Variants in FHOD3 observed in about 807,000 individuals in gnomAD.
The protein encoded by FHOD3 is formin homology 2 domain containing 3.
In FHOD3, 90 loss-of-function variants were observed where a neutral mutation model predicts 173.0. The ratio of observed to expected loss-of-function variants is 0.52; its 90% CI spans 0.44 to 0.62. The LOEUF is 0.62. Among genes scored for constraint, FHOD3 ranks in the 20% least tolerant of loss-of-function variants. FHOD3 has a pLI of 0.00. For synonymous variants in FHOD3, 828 were observed against 823.0 expected, an observed-to-expected ratio of 1.01 and a Z score of -0.10; for missense variants, 1,945 against 2,034.7, an observed-to-expected ratio of 0.96 and a Z score of 0.85.
At chr18:36,606,573 T>A (rs1470044491) in intron 8 of FHOD3, among the ~76,000 whole-genome samples, 1 of 152,188 alleles carries the variant, frequency 6.6e-6, no homozygotes, top group Non-Finnish European at 1.5e-5. Flanking sequence ...ATTCATGTCC[T>A]CCTCATGTGC....
At chr18:36,340,528 G>A (rs1348696642) in intron 1 of FHOD3, among the ~76,000 whole-genome samples, 2 of 150,740 alleles carry the variant, frequency 1.3e-5, no homozygotes, top group Non-Finnish European at 2.9e-5. Flanking sequence ...TTTTCCAGTT[G>A]ACCATGTTCT....
At chr18:36,588,460 T>A (rs2059111805) in intron 6 of FHOD3, among the ~76,000 whole-genome samples, 2 of 152,200 alleles carry the variant, frequency 1.3e-5, no homozygotes, top group Non-Finnish European at 2.9e-5. Flanking sequence ...CCAGCATCCA[T>A]TTATATAACA....
intron 1 of FHOD3, among the ~76,000 whole-genome samples, chr18:36,323,898 A>G (rs1234843997): frequency 1.3e-5 from 2 of 152,258 alleles, no homozygotes; most frequent in African/African-American, 4.8e-5. Flanking sequence ...TCTAAATAGT[A>G]TGTAAGAAGA....
At chr18:36,440,481 C>T (rs1196054141) in intron 3 of FHOD3, among the ~76,000 whole-genome samples, 1 of 151,888 alleles carries the variant, frequency 6.6e-6, no homozygotes, top group Non-Finnish European at 1.5e-5. Context: ...ACGCGCTGCC[C>T]GCCTCCTCTG....
At chr18:36,435,898 G>A (rs2143410145) in intron 3 of FHOD3, among the ~76,000 whole-genome samples, 1 of 152,264 alleles carries the variant, frequency 6.6e-6, no homozygotes, top group South Asian at 2.1e-4. Context: ...GTACAGGATA[G>A]TGTGTTCTGA....
At chr18:36,585,040 A>G (rs1244710396) in intron 6 of FHOD3, among the ~76,000 whole-genome samples, 3 of 152,210 alleles carry the variant, frequency 2.0e-5, no homozygotes, top group Non-Finnish European at 4.4e-5. Context: ...TTCCTTTGTT[A>G]CTACAAAATT....
At chr18:36,619,401 T>A (rs1273379228) in intron 9 of FHOD3, among the ~76,000 whole-genome samples, 1 of 152,196 alleles carries the variant, frequency 6.6e-6, no homozygotes. Flanking sequence ...AACGGACTCT[T>A]CATGTCTCCA....
chr18:36,629,663 A>G (rs1205540232), intron 10 of FHOD3, among the ~76,000 whole-genome samples: 2 of 152,212 alleles, frequency 1.3e-5, no homozygotes, highest in African/African-American at 4.8e-5. Flanking sequence ...GATAGAGACT[A>G]TAGGGGACTT....
intron 5 of FHOD3, among the ~76,000 whole-genome samples, chr18:36,520,595 A>G (rs1011352291): frequency 2.0e-5 from 3 of 152,202 alleles, no homozygotes; most frequent in Admixed American, 6.5e-5. Flanking sequence ...TTTTCCAGAA[A>G]TTCAGGCCAC....
intron 14 of FHOD3, among the ~76,000 whole-genome samples, chr18:36,676,327 T>C (rs945546409): frequency 6.6e-5 from 10 of 152,256 alleles, no homozygotes; most frequent in African/African-American, 2.4e-4. Flanking sequence ...CTATATATTT[T>C]GCTTTGGGGA....
intron 1 of FHOD3, among the ~76,000 whole-genome samples, chr18:36,350,701 G>T (rs1471813993): frequency 6.6e-6 from 1 of 152,218 alleles, no homozygotes; most frequent in African/African-American, 2.4e-5. Context: ...GACTGGTCTG[G>T]CAGGGAGGTG....
chr18:36,324,548 A>G (rs1172269083), intron 1 of FHOD3, among the ~76,000 whole-genome samples: 1 of 152,238 alleles, frequency 6.6e-6, no homozygotes, highest in Non-Finnish European at 1.5e-5. Context: ...AAATAAGAAA[A>G]TGACAGTCCA....
chr18:36,390,780 G>A lies in FHOD3; in HGVS notation c.337+18036G>A, dbSNP rs73418926. Among the ~76,000 whole-genome samples, 912 of 152,182 alleles carry A rather than the reference G, an allele frequency of 6.0e-3. 8 individuals carry two copies. The highest frequency in any genetic ancestry group is 0.021 in the African/African-American group (854 of 41,500). On this transcript the variant is annotated intron_variant, in intron 3 of 28. Coordinates refer to ENST00000590592, the MANE Select transcript of FHOD3 (RefSeq NM_001281740.3). ...TAACACATGATGATGGTCCTGTTAC[G>A]CCTGGAGTGATTCTCCACTCCCTTG...
At chr18:36,399,887 A>G (rs1024272277) in intron 3 of FHOD3, among the ~76,000 whole-genome samples, 4 of 152,222 alleles carry the variant, frequency 2.6e-5, no homozygotes, top group African/African-American at 9.6e-5. Flanking sequence ...GAGGCACGAG[A>G]TGGCTGCTGG....
chr18:36,496,140 T>G (rs1162538567), intron 3 of FHOD3, among the ~76,000 whole-genome samples: 3 of 152,180 alleles, frequency 2.0e-5, no homozygotes, highest in Non-Finnish European at 4.4e-5. Context: ...TTCTTGAACT[T>G]GGAATGTTAC....
intron 20 of FHOD3, among the ~76,000 whole-genome samples, chr18:36,736,961 T>C (rs1391153842): frequency 6.6e-6 from 1 of 152,234 alleles, no homozygotes; most frequent in Non-Finnish European, 1.5e-5. Context: ...CAATTATCAA[T>C]AAATCTACTG....
chr18:36,502,150 A>G, intron 4 of FHOD3, 151 bp downstream of exon 4: 1 of 424,166 alleles, frequency 2.4e-6, no homozygotes, highest in Non-Finnish European at 4.3e-6. Context: ...AGGTCATAAT[A>G]TCAGTTGAGA....
rs1283368680 is a variant in FHOD3, at chr18:36,717,980, G to A, written c.2682G>A (p.Arg894=). ...DEEKGDGEAG[R]TQQEAEAVAS... Reference sequence around the variant, plus strand: ...AGAAGGGGGATGGGGAGGCTGGGAGGACCCAGCAGGAGGCAGAGGCGGTAG... The same window carrying A: ...AGAAGGGGGATGGGGAGGCTGGGAGAACCCAGCAGGAGGCAGAGGCGGTAG... Residue 894 remains arginine (R), a synonymous_variant, in exon 19 of 29, where the codon AGG becomes AGA. Transcript: ENST00000590592. 1 of 1,613,630 alleles carries A rather than the reference G, an allele frequency of 6.2e-7. No homozygotes were observed. Among genetic ancestry groups the A allele is most frequent in the Non-Finnish European group, 8.5e-7 (1 of 1,179,780 alleles).
chr18:36,423,695 A>G (rs577073217), intron 3 of FHOD3, among the ~76,000 whole-genome samples: 11 of 152,360 alleles, frequency 7.2e-5, no homozygotes, highest in African/African-American at 2.6e-4. Context: ...GAAGAATGAC[A>G]TGAGAACAAG....
Sources: allele counts gnomAD v4.1 joint callset (sites outside exome capture counted in the v4.1 genomes callset), GRCh38; gene constraint gnomAD v4.1.1; transcripts MANE v1.5; gene names NCBI Gene and HGNC (gene_info 2026-07-23, HGNC 2026-07-21).